GALNTL6: variants seen among roughly 807,000 people sequenced by gnomAD.
GALNTL6 encodes the protein polypeptide N-acetylgalactosaminyltransferase-like 6.
GALNTL6 carries 46 observed loss-of-function variants against 73.7 expected under a neutral mutation model. That is an observed-to-expected ratio of 0.62 (90% CI 0.49 to 0.80). The LOEUF (loss-of-function observed/expected upper bound fraction) is 0.80, where lower values mean the gene tolerates loss of function less well. Ranked by LOEUF, GALNTL6 falls within the 30% of genes least tolerant of loss-of-function variation. The pLI is 0.00. For missense variants in GALNTL6, 604 were observed against 755.0 expected (o/e 0.80, Z 2.34); for synonymous variants, 259 against 263.7 (o/e 0.98, Z 0.17).
chr4:171,954,861 C>G (rs571303511), intron 2 of GALNTL6, among the ~76,000 whole-genome samples: 117 of 152,274 alleles, frequency 7.7e-4, no homozygotes, highest in Non-Finnish European at 1.3e-3. Context: ...TTCCAGTTGT[C>G]TCTCTTCCTC....
chr4:171,923,335 A>T (rs1443867116), intron 2 of GALNTL6, among the ~76,000 whole-genome samples: 1 of 151,406 alleles, frequency 6.6e-6, no homozygotes, highest in African/African-American at 2.4e-5. Flanking sequence ...CTGACTATAG[A>T]CGAGGCTGAG....
chr4:172,480,750 G>C (rs149532933), intron 5 of GALNTL6, among the ~76,000 whole-genome samples: 269 of 152,274 alleles, frequency 1.8e-3, no homozygotes, highest in African/African-American at 6.1e-3. Context: ...ATGTGGATTA[G>C]GCAGGCAACT....
chr4:172,301,711 C>A (rs1274490316), intron 3 of GALNTL6, among the ~76,000 whole-genome samples: 1 of 152,146 alleles, frequency 6.6e-6, no homozygotes, highest in African/African-American at 2.4e-5. Context: ...ATGTTGCTGC[C>A]TGATTGTGCC....
chr4:172,687,043 G>A (rs1270706061), intron 5 of GALNTL6, among the ~76,000 whole-genome samples: 1 of 152,102 alleles, frequency 6.6e-6, no homozygotes, highest in African/African-American at 2.4e-5. Flanking sequence ...CCAAACCAAG[G>A]TCACGAAGCC....
chr4:172,269,308 A>G (rs1371600534), intron 3 of GALNTL6, among the ~76,000 whole-genome samples: 1 of 152,204 alleles, frequency 6.6e-6, no homozygotes, highest in Non-Finnish European at 1.5e-5. Flanking sequence ...GTAAAAATCA[A>G]GATATGGCAT....
In GALNTL6 at chr4:172,190,725, G is replaced by T. The variant is rs778597240; in HGVS notation, c.139-38931G>T. ...GTTTTATTCCCCAAAGCAACAAAAA[G>T]CCATGTTTATTTAGTTTTAAGGAAG... On this transcript the variant is annotated intron_variant, in intron 2 of 12. Coordinates refer to ENST00000506823, the MANE Select transcript of GALNTL6 (RefSeq NM_001034845.3). Among the ~76,000 whole-genome samples the T allele has an allele frequency of 1.3e-4, 20 of 152,262 alleles. No individual in the cohort carries two copies. The Middle Eastern group carries it at 0.017, about 129-fold the overall frequency.
chr4:172,183,277 A>T (rs532271779), intron 2 of GALNTL6, among the ~76,000 whole-genome samples: 1 of 152,310 alleles, frequency 6.6e-6, no homozygotes, highest in East Asian at 1.9e-4. Context: ...GATGAATAAC[A>T]TTACCGTTCC....
At chr4:172,013,356 T>C (rs559689677) in intron 2 of GALNTL6, among the ~76,000 whole-genome samples, 27 of 152,246 alleles carry the variant, frequency 1.8e-4, no homozygotes, top group South Asian at 4.1e-4. Context: ...TATTTCACTC[T>C]ACTTTTATGA....
At chr4:172,841,365 C>A (rs542315384) in intron 7 of GALNTL6, among the ~76,000 whole-genome samples, 1 of 152,192 alleles carries the variant, frequency 6.6e-6, no homozygotes, top group African/African-American at 2.4e-5. Flanking sequence ...ATCGTTAATC[C>A]CTTTCAACTG....
At chr4:172,208,420 G>A (rs28477989) in intron 2 of GALNTL6, among the ~76,000 whole-genome samples, 2,196 of 152,128 alleles carry the variant, frequency 0.014, 57 homozygotes, top group African/African-American at 0.05. Flanking sequence ...AAAGAAAATC[G>A]TTTAACTATG....
intron 9 of GALNTL6, among the ~76,000 whole-genome samples, chr4:172,944,733 C>A (rs755240952): frequency 1.3e-5 from 2 of 152,082 alleles, no homozygotes; most frequent in African/African-American, 4.8e-5. Flanking sequence ...AATGGAGAAA[C>A]AAATTGTAGT....
chr4:172,586,561 G>A (rs1737418756), intron 5 of GALNTL6, among the ~76,000 whole-genome samples: 2 of 152,146 alleles, frequency 1.3e-5, no homozygotes, highest in Admixed American at 6.6e-5. Flanking sequence ...GCGGTGGGGA[G>A]TGAGACATGA....
intron 5 of GALNTL6, among the ~76,000 whole-genome samples, chr4:172,805,758 A>T (rs975688837): frequency 7.2e-5 from 11 of 152,190 alleles, no homozygotes; most frequent in African/African-American, 2.7e-4. Flanking sequence ...AATATTTTAG[A>T]AATGAATCTA....
intron 5 of GALNTL6, among the ~76,000 whole-genome samples, chr4:172,789,828 G>A (rs1739892257): frequency 6.6e-6 from 1 of 152,188 alleles, no homozygotes; most frequent in South Asian, 2.1e-4. Context: ...AAAGAGGATA[G>A]GAGAAAGATT....
chr4:172,322,587 A>G (rs1289393957), intron 4 of GALNTL6, among the ~76,000 whole-genome samples: 1 of 152,140 alleles, frequency 6.6e-6, no homozygotes, highest in Admixed American at 6.6e-5. Context: ...ACTCATAATC[A>G]TGGCAGAAGG....
At chr4:172,748,413 G>A (rs1737234361) in intron 5 of GALNTL6, among the ~76,000 whole-genome samples, 1 of 152,050 alleles carries the variant, frequency 6.6e-6, no homozygotes, top group Admixed American at 6.6e-5. Flanking sequence ...CACAGACATG[G>A]AGATAACATG....
chr4:172,060,991 A>G (rs1211468684), intron 2 of GALNTL6, among the ~76,000 whole-genome samples: 1 of 152,208 alleles, frequency 6.6e-6, no homozygotes, highest in Non-Finnish European at 1.5e-5. Flanking sequence ...CATTAGGAAT[A>G]TGTTTGGTAC....
chr4:171,909,561 G>T (rs957742751), intron 2 of GALNTL6, among the ~76,000 whole-genome samples: 2 of 152,140 alleles, frequency 1.3e-5, no homozygotes, highest in African/African-American at 4.8e-5. Context: ...TAAGCATTTT[G>T]TACAAGCCAA....
intron 3 of GALNTL6, among the ~76,000 whole-genome samples, chr4:172,263,370 T>C (rs1431552510): frequency 1.3e-5 from 2 of 151,494 alleles, no homozygotes; most frequent in African/African-American, 4.8e-5. Flanking sequence ...GCCTTGTTTC[T>C]GAACTCTGAA....
Sources: allele counts gnomAD v4.1 joint callset (sites outside exome capture counted in the v4.1 genomes callset), GRCh38; gene constraint gnomAD v4.1.1; transcripts MANE v1.5; gene names NCBI Gene and HGNC (gene_info 2026-07-23, HGNC 2026-07-21).